The following SPAG16 variants were observed in gnomAD, a reference collection of about 807,000 sequenced individuals.
The protein encoded by SPAG16 is sperm-associated antigen 16 protein.
A neutral mutation model predicts 80.4 loss-of-function variants in SPAG16; 86 were observed. The observed-to-expected ratio is 1.07, with a 90% CI of 0.90 to 1.28. The LOEUF (loss-of-function observed/expected upper bound fraction) is 1.28, where lower values mean the gene tolerates loss of function less well. Among genes scored for constraint, SPAG16 ranks in the 50% most tolerant of loss-of-function variants. The pLI is 0.00. For missense variants in SPAG16, 870 were observed against 765.3 expected (o/e 1.14, Z -1.61); for synonymous variants, 294 against 265.9 (o/e 1.11, Z -1.03).
chr2:213,640,690 AGTT>A (rs1297653979), intron 10 of SPAG16, among the ~76,000 whole-genome samples: 4 of 152,182 alleles, frequency 2.6e-5, no homozygotes, highest in African/African-American at 7.2e-5. Context: ...CCTTGGTTGT[AGTT>A]GTTTAGTCCA....
At chr2:213,847,969 C>T (rs1197617146) in intron 10 of SPAG16, among the ~76,000 whole-genome samples, 2 of 152,132 alleles carry the variant, frequency 1.3e-5, no homozygotes, top group Non-Finnish European at 2.9e-5. Context: ...GTATGTGCTG[C>T]AGACATTCAG....
chr2:214,126,794 T>C (rs1024084307), intron 14 of SPAG16, among the ~76,000 whole-genome samples: 1 of 151,836 alleles, frequency 6.6e-6, no homozygotes, highest in African/African-American at 2.4e-5. Context: ...AAGTACATTG[T>C]TGTTAACAAT....
chr2:213,449,120 G>A (rs1303140103), intron 9 of SPAG16, among the ~76,000 whole-genome samples: 1 of 152,104 alleles, frequency 6.6e-6, no homozygotes, highest in Non-Finnish European at 1.5e-5. Context: ...CTGGGAATGT[G>A]TGTCTTGTGC....
chr2:213,649,392 C>T (rs375408036), intron 10 of SPAG16, among the ~76,000 whole-genome samples: 12 of 152,250 alleles, frequency 7.9e-5, no homozygotes, highest in African/African-American at 1.9e-4. Context: ...GACTGTTCTA[C>T]TCACGCTGTC....
At chr2:213,384,452 G>A (rs906414191) in intron 9 of SPAG16, among the ~76,000 whole-genome samples, 7 of 152,138 alleles carry the variant, frequency 4.6e-5, no homozygotes, top group African/African-American at 1.4e-4. Context: ...GTCCCTATAT[G>A]CCTCAGCCTC....
At chr2:214,263,863 T>TA (rs1337184467) in intron 15 of SPAG16, among the ~76,000 whole-genome samples, 13 of 152,352 alleles carry the variant, frequency 8.5e-5, no homozygotes, top group African/African-American at 3.1e-4. Flanking sequence ...GGTCATTTTA[T>TA]AAAGAATGTA....
intron 9 of SPAG16, among the ~76,000 whole-genome samples, chr2:213,391,541 G>A (rs774382643): frequency 1.3e-5 from 2 of 152,168 alleles, no homozygotes; most frequent in Non-Finnish European, 2.9e-5. Context: ...TCTATAAACT[G>A]GGAAGAATAC....
intron 12 of SPAG16, among the ~76,000 whole-genome samples, chr2:213,980,691 A>AAT (rs1397447031): frequency 1.6e-5 from 2 of 124,746 alleles, no homozygotes; most frequent in African/African-American, 7.2e-5. Context: ...GTATATATAG[A>AAT]ATATATGTGT....
At chr2:213,576,455 C>T (rs2060128990) in intron 10 of SPAG16, among the ~76,000 whole-genome samples, 1 of 152,128 alleles carries the variant, frequency 6.6e-6, no homozygotes, top group African/African-American at 2.4e-5. Flanking sequence ...ACATTTGACC[C>T]AGCAATCCCA....
chr2:214,211,351 G>A (rs1209823378), intron 15 of SPAG16, among the ~76,000 whole-genome samples: 3 of 152,140 alleles, frequency 2.0e-5, no homozygotes, highest in African/African-American at 7.2e-5. Context: ...TGATTTTGAA[G>A]TGGTCAGGCC....
chr2:213,900,093 T>C (rs932407058), intron 11 of SPAG16, among the ~76,000 whole-genome samples: 3 of 152,138 alleles, frequency 2.0e-5, no homozygotes, highest in Non-Finnish European at 4.4e-5. Flanking sequence ...CTCCTTAGAC[T>C]TGAACTCAGC....
At chr2:214,357,580 T>G (rs1698901781) in intron 15 of SPAG16, among the ~76,000 whole-genome samples, 1 of 151,978 alleles carries the variant, frequency 6.6e-6, no homozygotes, top group Admixed American at 6.6e-5. Context: ...GACTAGACAT[T>G]TGTATAGTCT....
At chr2:213,314,422 A>G (rs2063321566) in intron 4 of SPAG16, among the ~76,000 whole-genome samples, 2 of 151,852 alleles carry the variant, frequency 1.3e-5, no homozygotes, top group Admixed American at 1.3e-4. Flanking sequence ...AGATACATAC[A>G]AACTGAAGCA....
chr2:213,898,491 C>T (rs1024241676), intron 11 of SPAG16, among the ~76,000 whole-genome samples: 5 of 152,012 alleles, frequency 3.3e-5, no homozygotes, highest in African/African-American at 7.2e-5. Context: ...TTATTAGAAA[C>T]GTGATGGAGA....
At chr2:213,388,067 A>T (rs545974889) in intron 9 of SPAG16, among the ~76,000 whole-genome samples, 1 of 152,132 alleles carries the variant, frequency 6.6e-6, no homozygotes, top group South Asian at 2.1e-4. Context: ...TTGGACAGTA[A>T]ATTATAGTTA....
intron 9 of SPAG16, among the ~76,000 whole-genome samples, chr2:213,468,517 CTA>C (rs1186029689): frequency 2.7e-5 from 3 of 111,928 alleles, no homozygotes; most frequent in Non-Finnish European, 5.1e-5. Context: ...ATATATATAT[CTA>C]TGTATTTATA....
intron 10 of SPAG16, among the ~76,000 whole-genome samples, chr2:213,537,286 C>A (rs1188163392): frequency 2.0e-5 from 3 of 151,616 alleles, no homozygotes; most frequent in Non-Finnish European, 4.4e-5. Flanking sequence ...ACATTGTGCA[C>A]ATGTACCCTA....
chr2:213,899,349 A>G (rs777584098), intron 11 of SPAG16, among the ~76,000 whole-genome samples: 35 of 152,156 alleles, frequency 2.3e-4, no homozygotes, highest in Non-Finnish European at 3.4e-4. Context: ...ATATAGAAGA[A>G]AAACATATCA....
In SPAG16 at chr2:213,550,558, T is replaced by G. The variant is rs80353721; in HGVS notation, c.1070+60468T>G. On this transcript the variant is annotated intron_variant, in intron 10 of 15. Transcript: ENST00000331683. ...TATTGATCAATCTCATGGAAGAATA[T>G]GTCATGGCATTCCACTTACTCAAGT... 4.6e-5 allele frequency among the ~76,000 whole-genome samples: 7 copies of G among 152,262 alleles called. No individual in the cohort carries two copies. The East Asian group carries it at 1.3e-3, about 29-fold the overall frequency.
Sources: allele counts gnomAD v4.1 joint callset (sites outside exome capture counted in the v4.1 genomes callset), GRCh38; gene constraint gnomAD v4.1.1; transcripts MANE v1.5; gene names NCBI Gene and HGNC (gene_info 2026-07-23, HGNC 2026-07-21).